ZDHHC9: variants seen among roughly 807,000 people sequenced by gnomAD.
The protein encoded by ZDHHC9 is palmitoyltransferase ZDHHC9.
In ZDHHC9, 3 loss-of-function variants were observed where a neutral mutation model predicts 26.6. That is an observed-to-expected ratio of 0.11 (90% CI 0.05 to 0.29). The LOEUF (loss-of-function observed/expected upper bound fraction) is 0.29, where lower values mean the gene tolerates loss of function less well. Ranked by LOEUF, ZDHHC9 falls within the 10% of genes least tolerant of loss-of-function variation. ZDHHC9 has a pLI of 1.00. For missense variants in ZDHHC9, 146 were observed against 296.4 expected (o/e 0.49, Z 3.73); for synonymous variants, 111 against 109.4 (o/e 1.01, Z -0.09).
At chrX:129,838,813 T>A (rs1228309053) in intron 3 of ZDHHC9, among the ~76,000 whole-genome samples, 1 of 112,677 alleles carries the variant, frequency 8.9e-6, no homozygotes, top group Non-Finnish European at 1.9e-5. Flanking sequence ...GGTCACTCAT[T>A]TGAAAAGTCT....
chrX:129,830,859 A>G (rs1401195835), intron 3 of ZDHHC9, among the ~76,000 whole-genome samples: 2 of 112,047 alleles, frequency 1.8e-5, no homozygotes, highest in African/African-American at 6.5e-5. Context: ...GCCAAGTTTT[A>G]TATTAGACTA....
Position 129,841,933 on chromosome X carries a change from C to T in ZDHHC9, c.13G>A (p.Val5Met). The T allele has an allele frequency of 1.7e-6, 2 of 1,211,546 alleles. No homozygotes were observed. The highest frequency in any genetic ancestry group is 2.2e-6 in the Non-Finnish European group (2 of 895,434). Residue 5 changes from valine (V) to methionine (M), a missense_variant, in exon 3 of 11, where the codon GTG (valine) becomes ATG (methionine). Physicochemically the swap from Val to Met is conservative, Grantham distance 21. This residue lies in a region of ZDHHC9 where 100 missense variants were observed against 250.0 expected (regional missense o/e 0.40). Coordinates refer to ENST00000357166, the MANE Select transcript of ZDHHC9 (RefSeq NM_016032.4). MSVM[V>M]VRKKVTRKWE... is the part of the protein sequence containing the mutation. ...TTCCGTGTCACCTTCTTTCTCACCA[C>T]CATCACAGACATGATTGGAATTCCT... is the stretch of plus-strand genomic sequence containing the variant.
intron 10 of ZDHHC9, 118 bp from the exon 11 acceptor site, chrX:129,806,604 A>C: frequency 1.7e-6 from 1 of 595,048 alleles, no homozygotes. Context: ...TGCTACAGAT[A>C]TGCAGCCACC....
intron 9 of ZDHHC9, 95 bp from the exon 10 acceptor site, chrX:129,811,096 C>T (rs1043388115): frequency 7.1e-5 from 55 of 779,975 alleles, no homozygotes; most frequent in South Asian, 5.2e-4. Context: ...AAAATATAAA[C>T]CTGTCCTTTG....
chrX:129,811,115 G>C, intron 9 of ZDHHC9, 114 bp from the exon 10 acceptor site: 3 of 629,436 alleles, frequency 4.8e-6, no homozygotes, highest in Non-Finnish European at 7.8e-6. Context: ...TGGCAATCTA[G>C]CCTGAACACA....
At chrX:129,833,692 G>C (rs765747594) in intron 3 of ZDHHC9, among the ~76,000 whole-genome samples, 1 of 112,091 alleles carries the variant, frequency 8.9e-6, no homozygotes, top group South Asian at 3.7e-4. Flanking sequence ...AAACATAACT[G>C]AAATATGAAA....
intron 3 of ZDHHC9, among the ~76,000 whole-genome samples, chrX:129,839,070 C>T (rs1255786476): frequency 8.9e-6 from 1 of 111,818 alleles, no homozygotes; most frequent in East Asian, 2.8e-4. Context: ...ACTATCTTCC[C>T]ACAAGGTAAA....
At chrX:129,822,440 C>A (rs1345345684) in intron 5 of ZDHHC9, among the ~76,000 whole-genome samples, 12 of 83,201 alleles carry the variant, frequency 1.4e-4, no homozygotes, top group African/African-American at 5.7e-4. Flanking sequence ...ACAACACATA[C>A]TGGGGTCTGT....
At chrX:129,816,898 T>C (rs1192590668) in intron 5 of ZDHHC9, among the ~76,000 whole-genome samples, 3 of 111,488 alleles carry the variant, frequency 2.7e-5, no homozygotes, top group African/African-American at 9.8e-5. Context: ...TTATTTATTT[T>C]TGAGACACAG....
intron 3 of ZDHHC9, among the ~76,000 whole-genome samples, chrX:129,831,977 A>G (rs970667665): frequency 1.8e-5 from 2 of 110,768 alleles, no homozygotes; most frequent in Non-Finnish European, 3.8e-5. Context: ...CATGCGGACT[A>G]TGGTTAATAA....
rs1218963445 is a variant in ZDHHC9, at chrX:129,842,047, G to A, written c.-102C>T. 3.9e-6 allele frequency: 4 copies of A among 1,032,581 alleles called. No homozygotes were observed. The highest frequency in any genetic ancestry group is 3.0e-5 in the East Asian group (1 of 32,856). The allele number at this position is 1,032,581 out of a possible 1,213,427, so 85.1% of individuals were successfully genotyped here. A position where few individuals can be genotyped will look rare whatever the true frequency, so the allele number is the denominator to read the frequency against. ...CACGTTGCCTGCTATTCCTGCCGCT[G>A]GGTCAAACATCATCAAAAGTCCAAT... On this transcript the variant is annotated 5_prime_UTR_variant, in exon 3 of 11. Transcript: ENST00000357166.
At chrX:129,838,687 A>G (rs1246775781) in intron 3 of ZDHHC9, among the ~76,000 whole-genome samples, 2 of 100,789 alleles carry the variant, frequency 2.0e-5, no homozygotes, top group African/African-American at 9.6e-5. Context: ...ATAAAAAATA[A>G]AAAATAATTA....
chrX:129,807,423 G>A (rs1336189542), intron 10 of ZDHHC9, among the ~76,000 whole-genome samples: 9 of 100,881 alleles, frequency 8.9e-5, no homozygotes, highest in African/African-American at 3.4e-4. Context: ...TCCGCAGTCC[G>A]GCCTGGGCGA....
intron 3 of ZDHHC9, among the ~76,000 whole-genome samples, chrX:129,839,363 A>G (rs1435031444): frequency 9.1e-6 from 1 of 109,393 alleles, no homozygotes; most frequent in Admixed American, 9.7e-5. Flanking sequence ...GGCGCACAAC[A>G]GCCACACGGG....
At chrX:129,820,425 CA>C (rs72086397) in intron 5 of ZDHHC9, among the ~76,000 whole-genome samples, 2,461 of 64,761 alleles carry the variant, frequency 0.038, 51 homozygotes, top group East Asian at 0.078. Flanking sequence ...ACAAAAAATA[CA>C]AAAAAAAAAA....
chrX:129,823,510 G>A (rs1026374194), intron 5 of ZDHHC9, 169 bp downstream of exon 5: 3 of 522,553 alleles, frequency 5.7e-6, no homozygotes, highest in Non-Finnish European at 9.6e-6. Flanking sequence ...CACAAGTACA[G>A]CTGATTTGCA....
intron 5 of ZDHHC9, 141 bp from the exon 6 acceptor site, chrX:129,814,936 T>C: frequency 1.5e-6 from 1 of 684,546 alleles, no homozygotes; most frequent in East Asian, 3.7e-5. Flanking sequence ...TTTTTTTTTT[T>C]ACTTTTTCAA....
In ZDHHC9 at chrX:129,831,032, G is replaced by A. The variant is rs148078560; in HGVS notation, c.168-1891C>T. On this transcript the variant is annotated intron_variant, in intron 3 of 10. Coordinates refer to ENST00000357166, the MANE Select transcript of ZDHHC9 (RefSeq NM_016032.4). ...AAAAGCCAAGGGTTGGGGGAAAACT[G>A]GAGAACTGAAGGATCTGGCAGCTGA... is the stretch of plus-strand genomic sequence containing the variant. Among the ~76,000 whole-genome samples, 15 of 111,497 alleles carry A rather than the reference G, an allele frequency of 1.3e-4. No homozygotes were observed. In the East Asian group the frequency reaches 3.6e-3, roughly 27 times the overall value.
chrX:129,811,030 A>G, intron 9 of ZDHHC9, 29 bp from the exon 10 acceptor site: 11 of 1,159,453 alleles, frequency 9.5e-6, no homozygotes, highest in Non-Finnish European at 1.3e-5. Flanking sequence ...TTAACAAAGA[A>G]CTGGGCATTC....
Sources: gnomAD v4.1 joint callset for allele counts (sites outside exome capture counted in the v4.1 genomes callset) on GRCh38, gnomAD v4.1.1 for gene constraint, gnomAD v4.1.1 regional missense constraint, MANE v1.5 for transcripts, NCBI Gene and HGNC (gene_info 2026-07-23, HGNC 2026-07-21) for gene names.